DSCAML1: variants seen among roughly 807,000 people sequenced by gnomAD.
DSCAML1 encodes DS cell adhesion molecule like 1.
In DSCAML1, 38 loss-of-function variants were observed where a neutral mutation model predicts 200.5. The ratio of observed to expected loss-of-function variants is 0.19; its 90% CI spans 0.15 to 0.25. DSCAML1 has a LOEUF of 0.25. Among genes scored for constraint, DSCAML1 ranks in the 10% least tolerant of loss-of-function variants. The pLI is 1.00. For synonymous variants in DSCAML1, 1,215 were observed against 1,165.0 expected (o/e 1.04, Z -0.87); for missense variants, 2,223 against 2,858.8 (o/e 0.78, Z 5.07).
intron 1 of DSCAML1, among the ~76,000 whole-genome samples, chr11:117,814,505 G>T (rs10892177): frequency 4.6e-5 from 7 of 152,088 alleles, no homozygotes; most frequent in Non-Finnish European, 8.8e-5. Context: ...CAGGGACAGG[G>T]GTGGTCCACC....
intron 3 of DSCAML1, among the ~76,000 whole-genome samples, chr11:117,740,713 T>C (rs1166854991): frequency 1.3e-5 from 2 of 152,242 alleles, no homozygotes; most frequent in Admixed American, 1.3e-4. Context: ...AGCCTCGTCT[T>C]AGCAAGGGGC....
chr11:117,738,683 C>G (rs907839406), intron 3 of DSCAML1, among the ~76,000 whole-genome samples: 2 of 152,160 alleles, frequency 1.3e-5, no homozygotes, highest in African/African-American at 4.8e-5. Flanking sequence ...TTCCATGATG[C>G]CCAGGGAAGA....
At chr11:117,434,026 C>T (rs2047857054) in intron 27 of DSCAML1, among the ~76,000 whole-genome samples, 1 of 152,172 alleles carries the variant, frequency 6.6e-6, no homozygotes. Flanking sequence ...GATCAGGACT[C>T]TCAGGTTAGG....
In DSCAML1 at chr11:117,660,805, T is replaced by C. The variant is rs564171577; in HGVS notation, c.511+115986A>G. Among the ~76,000 whole-genome samples the C allele has an allele frequency of 2.4e-4, 36 of 152,318 alleles. No homozygotes were observed. In the South Asian group the frequency reaches 7.1e-3, roughly 30 times the overall value. ...CATCGATGCAGGAATGGGTGTCCTCTAGCTTAGCTCAGGCACAGAGTGAGC... is the reference window on the plus strand; with the variant it reads ...CATCGATGCAGGAATGGGTGTCCTCCAGCTTAGCTCAGGCACAGAGTGAGC... On this transcript the variant is annotated intron_variant, in intron 3 of 32. Coordinates refer to ENST00000651296, the MANE Select transcript of DSCAML1 (RefSeq NM_020693.4).
chr11:117,793,955 A>G (rs2055523930), intron 1 of DSCAML1, among the ~76,000 whole-genome samples: 1 of 152,000 alleles, frequency 6.6e-6, no homozygotes, highest in Admixed American at 6.5e-5. Flanking sequence ...GCCCCTCCCC[A>G]GTATTCACTG....
intron 8 of DSCAML1, among the ~76,000 whole-genome samples, chr11:117,513,242 G>A (rs896550613): frequency 2.0e-5 from 3 of 152,152 alleles, no homozygotes; most frequent in African/African-American, 4.8e-5. Flanking sequence ...TGACAGGGGC[G>A]GGGATGTGGG....
chr11:117,775,249 G>A (rs2055109649), intron 3 of DSCAML1, among the ~76,000 whole-genome samples: 1 of 152,124 alleles, frequency 6.6e-6, no homozygotes, highest in Admixed American at 6.5e-5. Context: ...AAGAACCCTG[G>A]ACTCAGCCTC....
rs778077528 is a variant in DSCAML1, at chr11:117,428,030, C to T, written c.*298G>A. 1.1e-4 allele frequency: 26 copies of T among 240,254 alleles called. No homozygotes were observed. Among genetic ancestry groups the T allele is most frequent in the Middle Eastern group, 1.4e-3 (1 of 740 alleles). The allele number at this position is 240,254 out of a possible 1,614,324, so 14.9% of individuals were successfully genotyped here. ...GAGAGAAATATATAGATATATAGCT[C>T]GTGGACGCGTTCCTGTCTGTCTATA... On this transcript the variant is annotated 3_prime_UTR_variant, in exon 33 of 33. Transcript: ENST00000651296.
At chr11:117,628,213 T>C (rs1375557933) in intron 3 of DSCAML1, among the ~76,000 whole-genome samples, 1 of 151,900 alleles carries the variant, frequency 6.6e-6, no homozygotes, top group Non-Finnish European at 1.5e-5. Flanking sequence ...CATCCAAGAG[T>C]TTCCCTGCCA....
chr11:117,780,713 C>T lies in DSCAML1; in HGVS notation c.144G>A (p.Pro48=), dbSNP rs183032857. The T allele has an allele frequency of 6.2e-5, 98 of 1,579,426 alleles. No individual in the cohort carries two copies. The East Asian group carries it at 2.2e-3, about 35-fold the overall frequency. The stretch of plus-strand genomic sequence containing the variant: ...GGGCCGCGCTGGGGGAGCCCGCGGC[C>T]GGGCAGGGCACCACCACCCCCACGG... ...SSSVGVVVPC[P]AAGSPSAALR... The change falls in exon 2 of 33, where the codon CCG becomes CCA. Residue 48 remains proline (P), a synonymous_variant. Transcript: ENST00000651296. The surrounding 1 kb of genome is among the most constrained non-coding windows in gnomAD (Gnocchi z 4.8).
chr11:117,679,825 C>T (rs2053282017), intron 3 of DSCAML1, among the ~76,000 whole-genome samples: 1 of 152,216 alleles, frequency 6.6e-6, no homozygotes. Context: ...GAATGTACAT[C>T]ATGTGCCCAC....
intron 3 of DSCAML1, among the ~76,000 whole-genome samples, chr11:117,561,042 G>A (rs1822397855): frequency 6.6e-6 from 1 of 152,200 alleles, no homozygotes. Flanking sequence ...TGGCAGGTGA[G>A]CAGGAGAGCT....
At position 117,431,687 on chromosome 11, in the gene DSCAML1, G is replaced by A. The variant is rs768585537; in HGVS notation, c.5221C>T (p.Arg1741Trp). The A allele has an allele frequency of 2.0e-5, 32 of 1,606,270 alleles. No homozygotes were observed. Among genetic ancestry groups the A allele is most frequent in the East Asian group, 6.7e-5 (3 of 44,628 alleles). The change falls in exon 31 of 33, where the codon CGG becomes TGG. Residue 1741 changes from arginine (R) to tryptophan (W), a missense_variant. Around this residue, in one of 7 missense-constraint regions of DSCAML1, gnomAD observed 614 missense variants for 739.1 expected, o/e 0.83. Coordinates refer to ENST00000651296, the MANE Select transcript of DSCAML1 (RefSeq NM_020693.4). The stretch of plus-strand genomic sequence containing the variant: ...GTCCACTGGCTTGAGTACCGGTTCC[G>A]GGTGCTGTGGGCTGACTTCACATTC... ...RKNVKSAHST[R>W]NRYSSQWTLT...
At chr11:117,491,606 T>C (rs1350284657) in intron 11 of DSCAML1, among the ~76,000 whole-genome samples, 1 of 152,188 alleles carries the variant, frequency 6.6e-6, no homozygotes, top group Non-Finnish European at 1.5e-5. Context: ...ATGGCCCGTC[T>C]CTACTAAAAA....
intron 3 of DSCAML1, among the ~76,000 whole-genome samples, chr11:117,663,090 C>A (rs928133585): frequency 1.3e-5 from 2 of 152,158 alleles, no homozygotes; most frequent in African/African-American, 4.8e-5. Flanking sequence ...ACGCTGAGGC[C>A]CAGAGCAGCA....
intron 1 of DSCAML1, among the ~76,000 whole-genome samples, chr11:117,814,250 C>T (rs915025820): frequency 2.0e-5 from 3 of 152,180 alleles, no homozygotes; most frequent in East Asian, 1.9e-4. Context: ...GGACTCAGCC[C>T]GCCTGCACCC....
chr11:117,737,447 C>T (rs747786305), intron 3 of DSCAML1, among the ~76,000 whole-genome samples: 5 of 152,166 alleles, frequency 3.3e-5, no homozygotes, highest in Admixed American at 1.3e-4. Flanking sequence ...GAGCACACCT[C>T]AGAGCTCAGC....
At chr11:117,434,691 A>C (rs2047875008) in intron 27 of DSCAML1, among the ~76,000 whole-genome samples, 1 of 151,944 alleles carries the variant, frequency 6.6e-6, no homozygotes, top group Admixed American at 6.6e-5. Context: ...CCATCCTTCT[A>C]TCTATACATC....
chr11:117,568,401 G>T (rs2050791796), intron 3 of DSCAML1, among the ~76,000 whole-genome samples: 1 of 152,174 alleles, frequency 6.6e-6, no homozygotes, highest in African/African-American at 2.4e-5. Context: ...AGGAAATAAA[G>T]GGTATTCAGT....
Sources: gnomAD v4.1 joint callset for allele counts (sites outside exome capture counted in the v4.1 genomes callset) on GRCh38, gnomAD v4.1.1 for gene constraint, gnomAD v4.1.1 regional missense constraint, Gnocchi (gnomAD v3.1) non-coding constraint, MANE v1.5 for transcripts, NCBI Gene and HGNC (gene_info 2026-07-23, HGNC 2026-07-21) for gene names.